The following CSMD1 variants were observed in gnomAD, a reference collection of about 807,000 sequenced individuals.
The protein encoded by CSMD1 is CUB and sushi domain-containing protein 1.
Under a neutral mutation model 417.5 loss-of-function variants are expected in CSMD1, and 213 were observed. That is an observed-to-expected ratio of 0.51 (90% CI 0.46 to 0.57). CSMD1 has a LOEUF of 0.57. Among genes scored for constraint, CSMD1 ranks in the 20% least tolerant of loss-of-function variants. CSMD1 has a pLI of 0.00. For synonymous variants in CSMD1, 2,862 were observed against 1,736.8 expected (o/e 1.65, Z -16.11); for missense variants, 6,923 against 4,529.7 (o/e 1.53, Z -15.17).
At chr8:3,846,838 T>C (rs1803539917) in intron 5 of CSMD1, among the ~76,000 whole-genome samples, 1 of 152,072 alleles carries the variant, frequency 6.6e-6, no homozygotes, top group Non-Finnish European at 1.5e-5. Flanking sequence ...CACGTCTGGC[T>C]AATTTTTTGT....
intron 1 of CSMD1, among the ~76,000 whole-genome samples, chr8:4,928,145 G>C (rs1043165613): frequency 6.6e-6 from 1 of 152,010 alleles, no homozygotes; most frequent in Non-Finnish European, 1.5e-5. Flanking sequence ...TGCCCACGTG[G>C]GACGCACACA....
chr8:4,906,364 T>C (rs1030990393), intron 1 of CSMD1, among the ~76,000 whole-genome samples: 2 of 152,178 alleles, frequency 1.3e-5, no homozygotes, highest in African/African-American at 4.8e-5. Flanking sequence ...ATACAACTTA[T>C]GTTATTGTGG....
chr8:4,073,428 A>G (rs1199098414), intron 3 of CSMD1, among the ~76,000 whole-genome samples: 3 of 152,066 alleles, frequency 2.0e-5, no homozygotes, highest in Non-Finnish European at 4.4e-5. Context: ...TTTGGGAGCT[A>G]TTTGTTATTC....
chr8:3,302,924 C>G (rs531360564), intron 25 of CSMD1, among the ~76,000 whole-genome samples: 58 of 152,238 alleles, frequency 3.8e-4, no homozygotes, highest in African/African-American at 1.3e-3. Flanking sequence ...CTGACTCAGG[C>G]TCTCCTACAT....
intron 5 of CSMD1, among the ~76,000 whole-genome samples, chr8:3,774,183 G>T (rs1005315175): frequency 6.6e-6 from 1 of 152,102 alleles, no homozygotes; most frequent in African/African-American, 2.4e-5. Context: ...GACCTGCACC[G>T]CCTGACCCTT....
At chr8:4,312,862 C>T (rs571631443) in intron 3 of CSMD1, among the ~76,000 whole-genome samples, 14 of 152,174 alleles carry the variant, frequency 9.2e-5, no homozygotes, top group Non-Finnish European at 1.6e-4. Flanking sequence ...GAAACCCCAT[C>T]TCAAAAACAT....
chr8:3,295,752 T>A (rs1803916591), intron 25 of CSMD1, among the ~76,000 whole-genome samples: 1 of 152,216 alleles, frequency 6.6e-6, no homozygotes, highest in South Asian at 2.1e-4. Flanking sequence ...GACTAAGAGT[T>A]CTACATATAT....
At chr8:3,560,757 CT>C (rs1379576266) in intron 10 of CSMD1, among the ~76,000 whole-genome samples, 5 of 152,110 alleles carry the variant, frequency 3.3e-5, no homozygotes, top group African/African-American at 7.2e-5. Context: ...TTCAGGAGAA[CT>C]TTTTTGGCTA....
chr8:2,994,326 T>C (rs1806682819), intron 54 of CSMD1, among the ~76,000 whole-genome samples: 1 of 152,104 alleles, frequency 6.6e-6, no homozygotes, highest in African/African-American at 2.4e-5. Flanking sequence ...AGGGAATTGA[T>C]GGATGAGCAT....
At chr8:3,514,176 C>T (rs1055095889) in intron 10 of CSMD1, among the ~76,000 whole-genome samples, 7 of 152,166 alleles carry the variant, frequency 4.6e-5, no homozygotes, top group South Asian at 2.1e-4. Context: ...TAGCTTGTTC[C>T]CCAATCCCTC....
chr8:4,802,503 TAAGAA>T (rs1798356872), intron 1 of CSMD1, among the ~76,000 whole-genome samples: 1 of 150,324 alleles, frequency 6.7e-6, no homozygotes, highest in African/African-American at 2.5e-5. Context: ...AGACACCACT[TAAGAA>T]AAGACAGAGT....
At chr8:3,510,141 T>C (rs947306794) in intron 10 of CSMD1, among the ~76,000 whole-genome samples, 2 of 149,376 alleles carry the variant, frequency 1.3e-5, no homozygotes, top group Admixed American at 6.6e-5. Flanking sequence ...AGAGAATACA[T>C]ATCTGTGTAT....
At chr8:3,894,958 G>C (rs1033740507) in intron 5 of CSMD1, among the ~76,000 whole-genome samples, 6 of 152,186 alleles carry the variant, frequency 3.9e-5, no homozygotes, top group Admixed American at 3.3e-4. Context: ...ATGATGAATA[G>C]GGTAATTAGA....
intron 1 of CSMD1, among the ~76,000 whole-genome samples, chr8:4,832,587 A>T (rs1800218482): frequency 6.6e-6 from 1 of 152,186 alleles, no homozygotes; most frequent in Non-Finnish European, 1.5e-5. Flanking sequence ...CTTGTGGTTA[A>T]AATTATTACT....
chr8:3,951,125 G>A lies in CSMD1; in HGVS notation c.818+46778C>T, dbSNP rs1425498108. ...AGAATATATCTACATTTATAGGCAG[G>A]AGATGTCTCAAAGTTGTTTGTTTTA... On this transcript the variant is annotated intron_variant, in intron 5 of 69. Coordinates refer to ENST00000635120, the MANE Select transcript of CSMD1 (RefSeq NM_033225.6). Among the ~76,000 whole-genome samples, 5 of 152,290 alleles carry A rather than the reference G, an allele frequency of 3.3e-5. No homozygotes were observed. The South Asian group carries it at 6.2e-4, about 19-fold the overall frequency.
At chr8:4,514,581 G>A (rs988763012) in intron 2 of CSMD1, among the ~76,000 whole-genome samples, 1 of 152,132 alleles carries the variant, frequency 6.6e-6, no homozygotes. Flanking sequence ...TACTGAGACC[G>A]CTTGACCTAA....
intron 3 of CSMD1, among the ~76,000 whole-genome samples, chr8:4,101,216 G>C (rs980978349): frequency 6.6e-6 from 1 of 152,138 alleles, no homozygotes; most frequent in Non-Finnish European, 1.5e-5. Flanking sequence ...TGAATTCTTG[G>C]TTTTCCTTTT....
chr8:3,825,030 T>C (rs141849498), intron 5 of CSMD1, among the ~76,000 whole-genome samples: 1 of 152,258 alleles, frequency 6.6e-6, no homozygotes, highest in African/African-American at 2.4e-5. Context: ...TGCTAGCACT[T>C]TTTCATATTT....
chr8:4,305,285 A>G (rs1384704237), intron 3 of CSMD1, among the ~76,000 whole-genome samples: 4 of 152,188 alleles, frequency 2.6e-5, no homozygotes, highest in South Asian at 2.1e-4. Context: ...ACTGAGCTGC[A>G]TCAGCCTCCC....
Sources: allele counts gnomAD v4.1 joint callset (sites outside exome capture counted in the v4.1 genomes callset), GRCh38; gene constraint gnomAD v4.1.1; transcripts MANE v1.5; gene names NCBI Gene and HGNC (gene_info 2026-07-23, HGNC 2026-07-21).